Variants in TANC1 observed in about 807,000 individuals in gnomAD.
The protein encoded by TANC1 is tetratricopeptide repeat, ankyrin repeat and coiled-coil containing 1.
A neutral mutation model predicts 149.7 loss-of-function variants in TANC1; 77 were observed. The observed-to-expected ratio is 0.51, with a 90% CI of 0.43 to 0.62. The LOEUF (loss-of-function observed/expected upper bound fraction) is 0.62, where lower values mean the gene tolerates loss of function less well. TANC1 is among the 20% of genes least tolerant of loss of function. The pLI is 0.00. For synonymous variants in TANC1, 854 were observed against 925.0 expected (o/e 0.92, Z 1.39); for missense variants, 1,985 against 2,321.8 (o/e 0.85, Z 2.98).
chr2:159,182,166 G>A (rs2150570495), intron 14 of TANC1, among the ~76,000 whole-genome samples: 1 of 151,688 alleles, frequency 6.6e-6, no homozygotes, highest in South Asian at 2.1e-4. Flanking sequence ...TCGAGATCGT[G>A]CCACTACACT....
rs985982777 is a variant in TANC1 at position 159,095,006 on chromosome 2, T to C, written c.62-2631T>C. Among the ~76,000 whole-genome samples, 19 of 152,050 alleles carry C rather than the reference T, an allele frequency of 1.2e-4. No individual in the cohort carries two copies. In the East Asian group the frequency reaches 3.5e-3, roughly 28 times the overall value. ...TGTTGCCCGAGCTAGAGTGCAGTGG[T>C]GTGATCTCGGCTCACTGCAACCTCT... On this transcript the variant is annotated intron_variant, in intron 3 of 26. Coordinates refer to ENST00000263635, the MANE Select transcript of TANC1 (RefSeq NM_033394.3).
intron 2 of TANC1, among the ~76,000 whole-genome samples, chr2:159,050,584 A>G (rs943855255): frequency 6.6e-6 from 1 of 152,220 alleles, no homozygotes; most frequent in Non-Finnish European, 1.5e-5. Context: ...GTTAAGAGCT[A>G]AGGTGTGACC....
intron 4 of TANC1, among the ~76,000 whole-genome samples, chr2:159,099,407 C>T (rs997035282): frequency 6.6e-6 from 1 of 151,978 alleles, no homozygotes; most frequent in Non-Finnish European, 1.5e-5. Flanking sequence ...TGGAATTACT[C>T]TTCCCAAAAA....
intron 1 of TANC1, among the ~76,000 whole-genome samples, chr2:158,973,863 G>A (rs1321911914): frequency 6.6e-6 from 1 of 152,172 alleles, no homozygotes; most frequent in Non-Finnish European, 1.5e-5. Context: ...GAATTGCTAT[G>A]TACACAGACA....
intron 7 of TANC1, among the ~76,000 whole-genome samples, chr2:159,154,564 C>T (rs2053216777): frequency 6.6e-6 from 1 of 152,158 alleles, no homozygotes; most frequent in Non-Finnish European, 1.5e-5. Flanking sequence ...CCCCTCCTGC[C>T]CCTTGTTTCA....
chr2:159,027,081 G>A (rs1266358087), intron 2 of TANC1: 1 of 151,764 alleles, frequency 6.6e-6, no homozygotes, highest in Non-Finnish European at 1.5e-5. Context: ...CCTTGTGCAG[G>A]GACCATGCTA....
intron 2 of TANC1, among the ~76,000 whole-genome samples, chr2:159,038,330 T>C (rs148756707): frequency 2.7e-3 from 413 of 152,308 alleles, no homozygotes; most frequent in African/African-American, 9.5e-3. Flanking sequence ...CTTTTCCTAA[T>C]CAAATACCCT....
At position 159,149,425 on chromosome 2, in the gene TANC1, C is replaced by G. The variant is rs571985106; in HGVS notation, c.495+153C>G. 35 of 1,202,468 alleles carry G rather than the reference C, an allele frequency of 2.9e-5. No individual in the cohort carries two copies. The East Asian group carries it at 3.8e-4, about 13-fold the overall frequency. 74.5% of individuals were successfully genotyped at this position (1,202,468 alleles called of 1,614,324 possible). A position where few individuals can be genotyped will look rare whatever the true frequency, so the allele number is the denominator to read the frequency against. On this transcript the variant is annotated intron_variant, in intron 6 of 26. Coordinates refer to ENST00000263635, the MANE Select transcript of TANC1 (RefSeq NM_033394.3). Reference sequence around the variant, plus strand: ...TGAAATTTATTTCAACAGTTTGGTTCTGGGTTTTTGCAGTGGGGAGGTAGG... The same window carrying G: ...TGAAATTTATTTCAACAGTTTGGTTGTGGGTTTTTGCAGTGGGGAGGTAGG...
rs184458808 is a variant in TANC1 at position 159,039,901 on chromosome 2, A to G, written c.-15-25995A>G. Among the ~76,000 whole-genome samples the G allele has an allele frequency of 6.0e-4, 91 of 152,304 alleles. 4 individuals are homozygous for G. The highest frequency in any genetic ancestry group is 2.1e-3 in the African/African-American group (88 of 41,572). On this transcript the variant is annotated intron_variant, in intron 2 of 26. Transcript: ENST00000263635. Reference sequence around the variant, plus strand: ...GCAGAGCTGAGTTCAAGTCCTGGCTATCCTTGTTAACCTTCTGTCTCATTG... The same window carrying G: ...GCAGAGCTGAGTTCAAGTCCTGGCTGTCCTTGTTAACCTTCTGTCTCATTG...
chr2:159,070,847 T>A (rs536321437), intron 3 of TANC1, among the ~76,000 whole-genome samples: 1 of 152,194 alleles, frequency 6.6e-6, no homozygotes, highest in Non-Finnish European at 1.5e-5. Context: ...AGCACAGATA[T>A]CTAATTGCAG....
intron 3 of TANC1, 106 bp from the exon 4 acceptor site, chr2:159,097,531 C>A: frequency 2.3e-6 from 2 of 882,206 alleles, no homozygotes; most frequent in South Asian, 1.6e-5. Context: ...ATACACACAT[C>A]TGATATGTGG....
rs201171793 is a variant in TANC1 at position 159,155,894 on chromosome 2, T to TA, written c.682+5347dup. 6.1e-3 allele frequency among the ~76,000 whole-genome samples: 927 copies of TA among 151,880 alleles called. 10 individuals carry two copies. The highest frequency in any genetic ancestry group is 0.021 in the African/African-American group (857 of 41,414). ...TTTCTGCCTAGTTGCTTAGGATGTT[T>TA]AAAAAAAAATTATCATGGGCTGACT... is the stretch of plus-strand genomic sequence containing the variant. On this transcript the variant is annotated intron_variant, in intron 7 of 26. Transcript: ENST00000263635.
rs139766579 is a variant in TANC1 at position 159,129,574 on chromosome 2, T to G, written c.260-6620T>G. On this transcript the variant is annotated intron_variant, in intron 4 of 26. Coordinates refer to ENST00000263635, the MANE Select transcript of TANC1 (RefSeq NM_033394.3). The stretch of plus-strand genomic sequence containing the variant: ...GTGCTTGGGTTTTGTTTTGTTGTTT[T>G]TTTTTTCTTTTGCAAGCTGCATACT... Among the ~76,000 whole-genome samples the G allele has an allele frequency of 7.8e-3, 1,194 of 152,238 alleles. 4 individuals are homozygous for G. The highest frequency in any genetic ancestry group is 0.02 in the Middle Eastern group (6 of 294).
chr2:159,125,467 G>A (rs1213478929), intron 4 of TANC1, among the ~76,000 whole-genome samples: 1 of 152,168 alleles, frequency 6.6e-6, no homozygotes, highest in East Asian at 1.9e-4. Flanking sequence ...GACGGTAGCA[G>A]GGTGGTGTTC....
chr2:159,144,603 C>A (rs571808936), intron 5 of TANC1, among the ~76,000 whole-genome samples: 98 of 152,282 alleles, frequency 6.4e-4, no homozygotes, highest in Non-Finnish European at 1.2e-3. Flanking sequence ...CTCTCGAACT[C>A]CTGATCCACT....
intron 4 of TANC1, among the ~76,000 whole-genome samples, chr2:159,116,318 TCA>T (rs1559288533): frequency 1.3e-5 from 2 of 152,002 alleles, no homozygotes; most frequent in East Asian, 3.9e-4. Flanking sequence ...TCCCAGCTAC[TCA>T]GGAGGCTGAA....
chr2:158,976,409 T>C (rs954879955), intron 1 of TANC1, among the ~76,000 whole-genome samples: 4 of 152,146 alleles, frequency 2.6e-5, no homozygotes, highest in South Asian at 4.1e-4. Context: ...TCTAAATACA[T>C]TTATGGCTAG....
chr2:159,078,258 A>C (rs2043896958), intron 3 of TANC1, among the ~76,000 whole-genome samples: 1 of 152,232 alleles, frequency 6.6e-6, no homozygotes, highest in South Asian at 2.1e-4. Flanking sequence ...AAAAATTAAA[A>C]TTTAAATTTC....
intron 22 of TANC1, among the ~76,000 whole-genome samples, chr2:159,221,140 C>CAGG (rs1231216086): frequency 2.0e-5 from 3 of 152,118 alleles, no homozygotes; most frequent in African/African-American, 7.2e-5. Flanking sequence ...CACTTGAGGT[C>CAGG]AGGAGTTCGA....
Sources: allele counts gnomAD v4.1 joint callset (sites outside exome capture counted in the v4.1 genomes callset), GRCh38; gene constraint gnomAD v4.1.1; transcripts MANE v1.5; gene names NCBI Gene and HGNC (gene_info 2026-07-23, HGNC 2026-07-21).